TMPRSS2: variants seen among roughly 807,000 people sequenced by gnomAD.
TMPRSS2 encodes transmembrane serine protease 2.
TMPRSS2 carries 59 observed loss-of-function variants against 67.4 expected under a neutral mutation model. That is an observed-to-expected ratio of 0.88 (90% CI 0.71 to 1.09). The LOEUF (loss-of-function observed/expected upper bound fraction) is 1.09, where lower values mean the gene tolerates loss of function less well. Ranked by LOEUF, TMPRSS2 falls within the 50% of genes least tolerant of loss-of-function variation. TMPRSS2 has a pLI of 0.00. For missense variants in TMPRSS2, 668 were observed against 642.7 expected (o/e 1.04, Z -0.43); for synonymous variants, 257 against 257.0 (o/e 1.00, Z 0.00).
rs73372170 is a variant in TMPRSS2, at chr21:41,468,641, C to G, written c.1172-103G>C. The G allele has an allele frequency of 9.2e-3, 12,610 of 1,374,950 alleles. 879 individuals carry two copies. The African/African-American group carries it at 0.15, about 16-fold the overall frequency. The allele number at this position is 1,374,950 out of a possible 1,614,324, so 85.2% of individuals were successfully genotyped here. ...CCTCCACACGCACTACACAGATGGTCACAGCCCTATTTTCCAGCCCTGCCC... is the reference window on the plus strand; with the variant it reads ...CCTCCACACGCACTACACAGATGGTGACAGCCCTATTTTCCAGCCCTGCCC... On this transcript the variant is annotated intron_variant, in intron 11 of 13. Transcript: ENST00000332149.
chr21:41,494,478 A>G lies in TMPRSS2; in HGVS notation c.116T>C (p.Val39Ala). The G allele has an allele frequency of 6.2e-7, 1 of 1,613,994 alleles. No individual in the cohort carries two copies. The highest frequency in any genetic ancestry group is 8.5e-7 in the Non-Finnish European group (1 of 1,179,986). Residue 39 changes from valine (V) to alanine (A), a missense_variant, in exon 3 of 14, where the codon GTG (valine) becomes GCG (alanine). By Grantham distance (64) the Val-to-Ala change is moderately conservative. Coordinates refer to ENST00000332149, the MANE Select transcript of TMPRSS2 (RefSeq NM_005656.4). ...QPTVVPTVYE[V>A]HPAQYYPSPV... is the part of the protein sequence containing the mutation. ...GGACGGGTAGTACTGAGCCGGATGC[A>G]CCTCGTAGACAGTGGGGACCACAGT...
rs9974995 is a variant in TMPRSS2, at chr21:41,478,984, C to T, written c.683+188G>A. 0.26 allele frequency among the ~76,000 whole-genome samples: 39,169 copies of T among 152,100 alleles called. 5,155 individuals carry two copies. The highest frequency in any genetic ancestry group is 0.33 in the Middle Eastern group (97 of 294). The stretch of plus-strand genomic sequence containing the variant: ...TGAAATAGCAGAGAAACCTCAGCCA[C>T]TTCCTATGAATAAACCAAGGGCTGC... On this transcript the variant is annotated intron_variant, in intron 7 of 13. Transcript: ENST00000332149. The surrounding 1 kb of genome is among the most constrained non-coding windows in gnomAD (Gnocchi z 4.0).
intron 1 of TMPRSS2, among the ~76,000 whole-genome samples, chr21:41,501,718 C>G (rs2091425925): frequency 6.6e-6 from 1 of 151,878 alleles, no homozygotes; most frequent in Non-Finnish European, 1.5e-5. Flanking sequence ...CAAGGGGAAG[C>G]ACTGCTGTCC....
intron 5 of TMPRSS2, among the ~76,000 whole-genome samples, chr21:41,484,171 C>T (rs982252126): frequency 4.6e-5 from 7 of 152,158 alleles, no homozygotes; most frequent in African/African-American, 1.7e-4. Context: ...ACTGGATATC[C>T]GCTGTGAAAT....
chr21:41,465,926 A>T lies in TMPRSS2; in HGVS notation c.*216T>A. The T allele has an allele frequency of 1.6e-6, 1 of 609,630 alleles. No homozygotes were observed. 37.8% of individuals were successfully genotyped at this position (609,630 alleles called of 1,614,324 possible). A position where few individuals can be genotyped will look rare whatever the true frequency, so the allele number is the denominator to read the frequency against. On this transcript the variant is annotated 3_prime_UTR_variant, in exon 14 of 14. Coordinates refer to ENST00000332149, the MANE Select transcript of TMPRSS2 (RefSeq NM_005656.4). ...CAGTGCCCACAACCAGCCGGCCATC[A>T]CCCCTTGCGGACAAGGGGTTAGGGA...
chr21:41,467,324 G>C (rs924836861), intron 13 of TMPRSS2, among the ~76,000 whole-genome samples: 1 of 151,846 alleles, frequency 6.6e-6, no homozygotes, highest in Non-Finnish European at 1.5e-5. Flanking sequence ...AGGAGGCAAA[G>C]GTTGCAGTGA....
intron 3 of TMPRSS2, among the ~76,000 whole-genome samples, chr21:41,493,120 C>T (rs386638): frequency 0.94 from 143,667 of 152,238 alleles, 68,700 homozygotes; most frequent in Non-Finnish European, 0.98. Flanking sequence ...CTCCAGACAC[C>T]GCCAATTGTC....
At position 41,467,794 on chromosome 21, in the gene TMPRSS2, G is replaced by A. The variant is rs747307456; in HGVS notation, c.1407C>T (p.Tyr469=). The A allele has an allele frequency of 3.7e-6, 6 of 1,614,126 alleles. No individual in the cohort carries two copies. Among genetic ancestry groups the A allele is most frequent in the Admixed American group, 1.7e-5 (1 of 60,012 alleles). The change falls in exon 13 of 14, where the codon TAC becomes TAT. Residue 469 remains tyrosine (Y), a synonymous_variant. Coordinates refer to ENST00000332149, the MANE Select transcript of TMPRSS2 (RefSeq NM_005656.4). ...TCACATTCCCGTACACTCCTGGTCTGTAAGCTTTGGCACAGCCAGAACCCC... is the reference window on the plus strand; with the variant it reads ...TCACATTCCCGTACACTCCTGGTCTATAAGCTTTGGCACAGCCAGAACCCC... ...TSWGSGCAKA[Y]RPGVYGNVMV...
chr21:41,495,335 C>G (rs1402677515), intron 2 of TMPRSS2, among the ~76,000 whole-genome samples: 2 of 151,712 alleles, frequency 1.3e-5, no homozygotes, highest in Admixed American at 6.6e-5. Context: ...TACAAAAATA[C>G]AGATTTGGCT....
intron 3 of TMPRSS2, among the ~76,000 whole-genome samples, chr21:41,490,512 C>T (rs956395829): frequency 6.6e-6 from 1 of 152,222 alleles, no homozygotes; most frequent in Non-Finnish European, 1.5e-5. Context: ...CCCATGGTGT[C>T]CCTAAGTCCT....
intron 8 of TMPRSS2, 140 bp downstream of exon 8, chr21:41,476,437 G>T (rs1040629749): frequency 1.3e-6 from 1 of 775,198 alleles, no homozygotes; most frequent in South Asian, 1.6e-5. Context: ...TGGAAAGAGC[G>T]AGACGCCGCT....
At chr21:41,488,656 G>A (rs2091314833) in intron 4 of TMPRSS2, 143 bp from the exon 5 acceptor site, 1 of 1,021,144 alleles carries the variant, frequency 9.8e-7, no homozygotes, top group African/African-American at 1.6e-5. Flanking sequence ...TTTTGTTTTT[G>A]AGATGAAGTC....
chr21:41,502,145 A>C (rs1271232153), intron 1 of TMPRSS2, among the ~76,000 whole-genome samples: 2 of 152,222 alleles, frequency 1.3e-5, no homozygotes, highest in African/African-American at 4.8e-5. Flanking sequence ...CCTGGCCACC[A>C]TGCAGCAGGA....
At chr21:41,467,575 A>G (rs548979551) in intron 13 of TMPRSS2, among the ~76,000 whole-genome samples, 159 bp downstream of exon 13, 61 of 152,220 alleles carry the variant, frequency 4.0e-4, no homozygotes, top group Admixed American at 5.9e-4. Context: ...CAATGGGTGG[A>G]CACTGGGGGG....
At chr21:41,482,962 C>T (rs2091267610) in intron 5 of TMPRSS2, among the ~76,000 whole-genome samples, 3 of 152,146 alleles carry the variant, frequency 2.0e-5, no homozygotes, top group Non-Finnish European at 2.9e-5. Flanking sequence ...GAGAGAGAAA[C>T]AGGTGCAGCA....
chr21:41,506,554 G>C (rs1253941169), intron 1 of TMPRSS2: 1 of 152,270 alleles, frequency 6.6e-6, no homozygotes, highest in Non-Finnish European at 1.5e-5. Flanking sequence ...GGGAGCTCCC[G>C]GTTACCTAGC....
At position 41,494,403 on chromosome 21, in the gene TMPRSS2, A is replaced by T. The variant is rs2146483254; in HGVS notation, c.191T>A (p.Val64Asp). Reference protein sequence around the residue: ...PRVLTQASNPVVCTQPKSPSG... With the variant: ...PRVLTQASNPDVCTQPKSPSG... ...TGGGGATTTGGGCTGCGTGCAGACGACGGGGTTGGAAGCCTGCGTCAGGAC... is the reference window on the plus strand; with the variant it reads ...TGGGGATTTGGGCTGCGTGCAGACGTCGGGGTTGGAAGCCTGCGTCAGGAC... The change falls in exon 3 of 14, where the codon GTC (valine) becomes GAC (aspartate). Residue 64 changes from valine (V) to aspartate (D), a missense_variant. Transcript: ENST00000332149. 6.2e-7 allele frequency: 1 copy of T among 1,611,062 alleles called. No individual in the cohort carries two copies. The highest frequency in any genetic ancestry group is 1.7e-4 in the Middle Eastern group (1 of 6,040).
Position 41,480,497 on chromosome 21 carries a change from G to A in TMPRSS2, c.551C>T (p.Ala184Val), listed in dbSNP as rs2146451743. ...TCACTTATAGCCCATGTCCCTGCAG[G>A]CCGCCCGCCCGTAGTTCTCGTTCCA... The part of the protein sequence containing the change: ...DDWNENYGRA[A>V]CRDMGYKNNF... Residue 184 changes from alanine (A) to valine (V), a missense_variant, in exon 6 of 14, where the codon GCC becomes GTC. Ala to Val is a moderately conservative substitution (Grantham distance 64). Transcript: ENST00000332149. 1 of 1,613,644 alleles carries A rather than the reference G, an allele frequency of 6.2e-7. No individual in the cohort carries two copies. The highest frequency in any genetic ancestry group is 8.5e-7 in the Non-Finnish European group (1 of 1,180,024).
chr21:41,484,243 T>C (rs2091279564), intron 5 of TMPRSS2, among the ~76,000 whole-genome samples: 1 of 152,244 alleles, frequency 6.6e-6, no homozygotes, highest in African/African-American at 2.4e-5. Flanking sequence ...TTTTCTTTTC[T>C]CTTTTCTGTG....
Sources: allele counts gnomAD v4.1 joint callset (sites outside exome capture counted in the v4.1 genomes callset), GRCh38; gene constraint gnomAD v4.1.1; non-coding constraint Gnocchi (gnomAD v3.1); transcripts MANE v1.5; gene names NCBI Gene and HGNC (gene_info 2026-07-23, HGNC 2026-07-21).